Variants in CSMD3 observed in about 807,000 individuals in gnomAD.
The protein encoded by CSMD3 is CUB and Sushi multiple domains 3.
Under a neutral mutation model 435.2 loss-of-function variants are expected in CSMD3, and 177 were observed. The observed-to-expected ratio is 0.41, with a 90% CI of 0.36 to 0.46. The LOEUF (loss-of-function observed/expected upper bound fraction) is 0.46. Among genes scored for constraint, CSMD3 ranks in the 20% least tolerant of loss-of-function variants. CSMD3 has a pLI of 0.34. For missense variants in CSMD3, 4,265 were observed against 4,504.6 expected, an observed-to-expected ratio of 0.95 and a Z score of 1.52; for synonymous variants, 1,656 against 1,520.5, an observed-to-expected ratio of 1.09 and a Z score of -2.07.
At chr8:112,926,759 A>G (rs981999892) in intron 9 of CSMD3, among the ~76,000 whole-genome samples, 2 of 152,214 alleles carry the variant, frequency 1.3e-5, no homozygotes, top group African/African-American at 2.4e-5. Flanking sequence ...AGGACAGATA[A>G]TAGTGCTTGG....
intron 13 of CSMD3, among the ~76,000 whole-genome samples, chr8:112,788,296 C>T (rs982399815): frequency 6.6e-6 from 1 of 151,914 alleles, no homozygotes; most frequent in African/African-American, 2.4e-5. Context: ...CCTTTTACAC[C>T]AAATCATGGC....
chr8:113,208,858 G>A (rs1376023400), intron 3 of CSMD3, among the ~76,000 whole-genome samples: 2 of 152,030 alleles, frequency 1.3e-5, no homozygotes, highest in African/African-American at 4.8e-5. Context: ...ATACACTTAA[G>A]TTGATTTCCC....
chr8:112,385,798 A>G (rs1829890885), intron 36 of CSMD3, among the ~76,000 whole-genome samples: 1 of 152,154 alleles, frequency 6.6e-6, no homozygotes, highest in Admixed American at 6.5e-5. Context: ...AAGAGCAAAA[A>G]TGTAGACATC....
intron 10 of CSMD3, among the ~76,000 whole-genome samples, chr8:112,901,890 G>C (rs2082116607): frequency 6.6e-6 from 1 of 151,284 alleles, no homozygotes; most frequent in African/African-American, 2.4e-5. Flanking sequence ...TTCAAAATGG[G>C]GAAGAGGAGT....
intron 2 of CSMD3, among the ~76,000 whole-genome samples, chr8:113,281,623 A>T (rs1369735699): frequency 6.6e-6 from 1 of 151,890 alleles, no homozygotes; most frequent in Non-Finnish European, 1.5e-5. Flanking sequence ...GCAGTTATGT[A>T]TCTTTTAAGT....
In CSMD3 at chr8:112,388,986, G is replaced by T. The variant is rs188064241; in HGVS notation, c.5934+1678C>A. Among the ~76,000 whole-genome samples, 187 of 152,156 alleles carry T rather than the reference G, an allele frequency of 1.2e-3. 2 individuals carry two copies. Among genetic ancestry groups the T allele is most frequent in the Non-Finnish European group, 1.1e-3 (75 of 67,984 alleles). ...GAAGAGAAAACAAAACAAAATCCAA[G>T]AAAATATTGGTGTCCTAGGATCTAA... On this transcript the variant is annotated intron_variant, in intron 36 of 70. Coordinates refer to ENST00000297405, the MANE Select transcript of CSMD3 (RefSeq NM_198123.2).
chr8:112,338,764 A>G (rs1824811207), intron 42 of CSMD3, among the ~76,000 whole-genome samples: 1 of 152,116 alleles, frequency 6.6e-6, no homozygotes, highest in Non-Finnish European at 1.5e-5. Flanking sequence ...GATATTCTAC[A>G]CAAAAAATAT....
At position 112,518,629 on chromosome 8, in the gene CSMD3, T is replaced by TGAGA. The variant is rs3080191; in HGVS notation, c.4565-1408_4565-1405dup. The stretch of plus-strand genomic sequence containing the variant: ...AATGGTGTGTGTGTGTGTGTGTGTG[T>TGAGA]GAGAGAGAGAGAGAGAGAGAGAGAG... On this transcript the variant is annotated intron_variant, in intron 27 of 70. Transcript: ENST00000297405. 4.1e-3 allele frequency among the ~76,000 whole-genome samples: 512 copies of TGAGA among 124,200 alleles called. 2 individuals are homozygous for TGAGA. The highest frequency in any genetic ancestry group is 0.01 in the African/African-American group (362 of 34,862). 81.5% of individuals were successfully genotyped at this position (124,200 alleles called of 152,430 possible).
At chr8:112,907,195 A>G (rs1223951592) in intron 10 of CSMD3, among the ~76,000 whole-genome samples, 1 of 151,504 alleles carries the variant, frequency 6.6e-6, no homozygotes, top group East Asian at 1.9e-4. Context: ...AGAAAAGAAT[A>G]GTCCCTATCT....
intron 19 of CSMD3, among the ~76,000 whole-genome samples, chr8:112,647,206 G>A (rs1422863739): frequency 6.6e-6 from 1 of 151,674 alleles, no homozygotes; most frequent in Non-Finnish European, 1.5e-5. Flanking sequence ...GTTTGATTTT[G>A]TAGCACTTCC....
chr8:112,352,815 T>C (rs563145061), intron 38 of CSMD3, among the ~76,000 whole-genome samples: 1 of 152,154 alleles, frequency 6.6e-6, no homozygotes, highest in Non-Finnish European at 1.5e-5. Flanking sequence ...GCTTAATTGT[T>C]TTCTACTGTG....
chr8:112,798,773 A>G (rs1401678653), intron 13 of CSMD3, among the ~76,000 whole-genome samples: 2 of 151,874 alleles, frequency 1.3e-5, no homozygotes, highest in Admixed American at 1.3e-4. Flanking sequence ...TTAAATCACT[A>G]TAGATTTTCT....
chr8:112,564,177 T>A (rs1448233970), intron 24 of CSMD3, among the ~76,000 whole-genome samples: 1 of 151,914 alleles, frequency 6.6e-6, no homozygotes, highest in Non-Finnish European at 1.5e-5. Context: ...AGGATTTCTT[T>A]TTTCTAGAGA....
chr8:112,440,358 C>T (rs983482155), intron 32 of CSMD3, among the ~76,000 whole-genome samples: 1 of 152,156 alleles, frequency 6.6e-6, no homozygotes, highest in Non-Finnish European at 1.5e-5. Flanking sequence ...GGCAGCTCTG[C>T]CTCTGTAGAT....
intron 1 of CSMD3, among the ~76,000 whole-genome samples, chr8:113,341,095 T>A (rs746478440): frequency 6.6e-6 from 1 of 152,130 alleles, no homozygotes; most frequent in Non-Finnish European, 1.5e-5. Flanking sequence ...AGGGTACAAT[T>A]TGATGTTTCC....
At position 112,965,685 on chromosome 8, in the gene CSMD3, C is replaced by T. The variant is rs564001949; in HGVS notation, c.1342+10152G>A. Among the ~76,000 whole-genome samples the T allele has an allele frequency of 5.7e-4, 86 of 152,018 alleles. 1 individual carries two copies. In the South Asian group the frequency reaches 0.017, roughly 30 times the overall value. On this transcript the variant is annotated intron_variant, in intron 7 of 70. Coordinates refer to ENST00000297405, the MANE Select transcript of CSMD3 (RefSeq NM_198123.2). The stretch of plus-strand genomic sequence containing the variant: ...TAATATTGTCATTCAAGTCCTCAGG[C>T]ATTCTGAGTACTTTTATCTAATACA...
At chr8:112,658,845 C>T (rs76746234) in intron 17 of CSMD3, among the ~76,000 whole-genome samples, 24,901 of 151,986 alleles carry the variant, frequency 0.16, 2,140 homozygotes, top group Middle Eastern at 0.36. Flanking sequence ...ATCCTAGCTA[C>T]TCGGGAGGCT....
intron 1 of CSMD3, among the ~76,000 whole-genome samples, chr8:113,420,392 A>T (rs2094603940): frequency 6.6e-6 from 1 of 151,866 alleles, no homozygotes; most frequent in Non-Finnish European, 1.5e-5. Flanking sequence ...ATGAGTACTT[A>T]AAAAAAATGT....
intron 3 of CSMD3, among the ~76,000 whole-genome samples, chr8:113,261,642 T>A (rs1386853559): frequency 6.6e-6 from 1 of 152,090 alleles, no homozygotes; most frequent in East Asian, 1.9e-4. Flanking sequence ...ACATTGTGAT[T>A]TCTGGGAAGC....
Sources: gnomAD v4.1 joint callset for allele counts (sites outside exome capture counted in the v4.1 genomes callset) on GRCh38, gnomAD v4.1.1 for gene constraint, MANE v1.5 for transcripts, NCBI Gene and HGNC (gene_info 2026-07-23, HGNC 2026-07-21) for gene names.